Variants in SNTG2 observed in about 807,000 individuals in gnomAD.
SNTG2 encodes gamma-2-syntrophin.
Under a neutral mutation model 70.9 loss-of-function variants are expected in SNTG2, and 74 were observed. The observed-to-expected ratio is 1.04, with a 90% CI of 0.86 to 1.27. The LOEUF is 1.27. SNTG2 is among the 50% of genes most tolerant of loss of function. The pLI, the probability that SNTG2 is intolerant of heterozygous loss-of-function variation, is 0.00. For missense variants in SNTG2, 717 were observed against 690.7 expected, an observed-to-expected ratio of 1.04 and a Z score of -0.43; for synonymous variants, 278 against 273.8, an observed-to-expected ratio of 1.02 and a Z score of -0.15.
intron 1 of SNTG2, among the ~76,000 whole-genome samples, chr2:995,539 A>G (rs2147982069): frequency 6.6e-6 from 1 of 152,144 alleles, no homozygotes; most frequent in South Asian, 2.1e-4. Context: ...GTGGTGTCTG[A>G]TCTGTGTCAG....
chr2:1,122,573 A>C (rs1379697701), intron 4 of SNTG2, among the ~76,000 whole-genome samples: 2 of 152,204 alleles, frequency 1.3e-5, no homozygotes, highest in Non-Finnish European at 2.9e-5. Flanking sequence ...GCATGTTCAC[A>C]ATAAAGCTAT....
intron 1 of SNTG2, among the ~76,000 whole-genome samples, chr2:1,008,982 A>C (rs1395150336): frequency 6.6e-6 from 1 of 152,358 alleles, no homozygotes; most frequent in South Asian, 2.1e-4. Context: ...TTGCTTGTAC[A>C]TAATTGCCTT....
intron 9 of SNTG2, among the ~76,000 whole-genome samples, chr2:1,231,084 C>T (rs1032477369): frequency 6.7e-6 from 1 of 148,294 alleles, no homozygotes; most frequent in Non-Finnish European, 1.5e-5. Flanking sequence ...AGGTGAATTA[C>T]TTAGGATAAT....
intron 9 of SNTG2, among the ~76,000 whole-genome samples, chr2:1,228,032 G>T (rs1052834989): frequency 6.6e-6 from 1 of 152,160 alleles, no homozygotes. Context: ...AGGCCTTTCT[G>T]CGACTCAAGG....
At chr2:1,069,328 C>T (rs1469515653) in intron 1 of SNTG2, among the ~76,000 whole-genome samples, 1 of 141,032 alleles carries the variant, frequency 7.1e-6, no homozygotes, top group East Asian at 2.0e-4. Context: ...GAAAAAAATT[C>T]TTATATAAAT....
At chr2:1,221,300 C>CT (rs1674762573) in intron 9 of SNTG2, among the ~76,000 whole-genome samples, 1 of 3,914 alleles carries the variant, frequency 2.6e-4, no homozygotes, top group African/African-American at 1.2e-3. Context: ...TCTCTCTGTC[C>CT]CTCTCTGTCT....
intron 12 of SNTG2, among the ~76,000 whole-genome samples, chr2:1,252,943 T>C (rs1171460456): frequency 1.3e-5 from 2 of 152,256 alleles, no homozygotes; most frequent in East Asian, 1.9e-4. Flanking sequence ...TGACATTTTA[T>C]ATCCTGGCAC....
chr2:962,766 A>G (rs1660393296), intron 1 of SNTG2, among the ~76,000 whole-genome samples: 1 of 152,086 alleles, frequency 6.6e-6, no homozygotes, highest in African/African-American at 2.4e-5. Flanking sequence ...TACCTGTGTA[A>G]AGGAGATATG....
At chr2:1,117,150 T>C (rs887505459) in intron 4 of SNTG2, among the ~76,000 whole-genome samples, 1 of 151,972 alleles carries the variant, frequency 6.6e-6, no homozygotes, top group African/African-American at 2.4e-5. Context: ...CGTGGGTGCT[T>C]TGCTGTATGG....
At chr2:966,769 AC>A (rs1487738783) in intron 1 of SNTG2, among the ~76,000 whole-genome samples, 1 of 151,990 alleles carries the variant, frequency 6.6e-6, no homozygotes, top group East Asian at 1.9e-4. Flanking sequence ...ACATGGTGAA[AC>A]CCCGTCTCTA....
At chr2:963,497 T>C (rs1431558074) in intron 1 of SNTG2, among the ~76,000 whole-genome samples, 2 of 152,218 alleles carry the variant, frequency 1.3e-5, no homozygotes, top group Non-Finnish European at 1.5e-5. Flanking sequence ...TGACCAGGGT[T>C]ATCACCTATG....
chr2:952,416 T>G (rs1311078871), intron 1 of SNTG2, among the ~76,000 whole-genome samples: 1 of 152,242 alleles, frequency 6.6e-6, no homozygotes, highest in Non-Finnish European at 1.5e-5. Context: ...TTGAAGTGGA[T>G]TCATCATACT....
At chr2:1,222,487 AGTGGTGCAGTGATGGAGGGCGTCT>A (rs1675337955) in intron 9 of SNTG2, among the ~76,000 whole-genome samples, 6 of 140,042 alleles carry the variant, frequency 4.3e-5, no homozygotes, top group African/African-American at 1.1e-4. Context: ...TGTAGAGGAA[AGTGGTGCAGTGATGGAGGGCGTCT>A]CCCTGTCCTG....
intron 2 of SNTG2, among the ~76,000 whole-genome samples, chr2:1,095,269 T>A (rs1419524340): frequency 6.6e-6 from 1 of 152,172 alleles, no homozygotes; most frequent in African/African-American, 2.4e-5. Context: ...CACAGTCCCA[T>A]TCCCAGCACT....
intron 4 of SNTG2, among the ~76,000 whole-genome samples, chr2:1,118,926 A>G (rs1353291352): frequency 1.3e-5 from 2 of 152,210 alleles, no homozygotes; most frequent in Non-Finnish European, 2.9e-5. Flanking sequence ...TGAAGCTCAA[A>G]GATCACCAAA....
intron 15 of SNTG2, among the ~76,000 whole-genome samples, chr2:1,313,870 T>G (rs554916862): frequency 6.6e-6 from 1 of 152,288 alleles, no homozygotes; most frequent in Admixed American, 6.5e-5. Flanking sequence ...GGACATAATT[T>G]TAAGCATATA....
At chr2:1,284,525 C>T (rs6738955) in intron 14 of SNTG2, among the ~76,000 whole-genome samples, 61,896 of 151,906 alleles carry the variant, frequency 0.41, 12,730 homozygotes, top group Middle Eastern at 0.52. Flanking sequence ...CAAAACCACC[C>T]AAAAAGAGAA....
At chr2:985,248 G>A (rs916412436) in intron 1 of SNTG2, among the ~76,000 whole-genome samples, 14 of 151,962 alleles carry the variant, frequency 9.2e-5, no homozygotes, top group Non-Finnish European at 1.6e-4. Context: ...GAAAAGCGAC[G>A]GAAATGCATG....
intron 16 of SNTG2, among the ~76,000 whole-genome samples, chr2:1,322,361 G>A (rs771392962): frequency 3.3e-5 from 5 of 152,102 alleles, no homozygotes; most frequent in Non-Finnish European, 7.4e-5. Flanking sequence ...AATATTTAGG[G>A]CCCTAGGAGG....
Sources: allele counts gnomAD v4.1 joint callset (sites outside exome capture counted in the v4.1 genomes callset), GRCh38; gene constraint gnomAD v4.1.1; transcripts MANE v1.5; gene names NCBI Gene and HGNC (gene_info 2026-07-23, HGNC 2026-07-21).